PEX14: variants seen among roughly 807,000 people sequenced by gnomAD.
PEX14 encodes peroxisomal membrane protein PEX14.
In PEX14, 15 loss-of-function variants were observed where a neutral mutation model predicts 49.5. The observed-to-expected ratio is 0.30, with a 90% CI of 0.20 to 0.47. The LOEUF (loss-of-function observed/expected upper bound fraction) is 0.47. Among genes scored for constraint, PEX14 ranks in the 20% least tolerant of loss-of-function variants. PEX14 has a pLI of 1.00. For missense variants in PEX14, 398 were observed against 494.8 expected (o/e 0.80, Z 1.86); for synonymous variants, 210 against 212.7 (o/e 0.99, Z 0.11).
chr1:10,506,281 T>C lies in PEX14; in HGVS notation c.84+10960T>C, dbSNP rs899927106. 5.3e-5 allele frequency among the ~76,000 whole-genome samples: 8 copies of C among 152,260 alleles called. No homozygotes were observed. In the South Asian group the frequency reaches 1.7e-3, roughly 32 times the overall value. On this transcript the variant is annotated intron_variant, in intron 2 of 8. Transcript: ENST00000356607. ...CTGCAAATATAATGTGTTCTTTTTT[T>C]GTGTGTTTTTTTGAGATGGAGTTTC...
chr1:10,624,283 G>A (rs564462875), intron 6 of PEX14, 57 bp from the exon 7 acceptor site: 40 of 1,118,688 alleles, frequency 3.6e-5, no homozygotes, highest in African/African-American at 4.6e-5. Context: ...CGGACCGAGC[G>A]AGGGGAACGT....
At chr1:10,532,797 G>A (rs192849548) in intron 2 of PEX14, among the ~76,000 whole-genome samples, 52 of 152,242 alleles carry the variant, frequency 3.4e-4, no homozygotes, top group Non-Finnish European at 5.9e-4. Context: ...CCCCATCATC[G>A]AATCCAACAA....
chr1:10,474,956 G>A lies in PEX14; in HGVS notation c.-11G>A, dbSNP rs762802825. On this transcript the variant is annotated 5_prime_UTR_variant, in exon 1 of 9. Coordinates refer to ENST00000356607, the MANE Select transcript of PEX14 (RefSeq NM_004565.3). ...CGCCCAGCGGCGGTTGATTAGTCAG[G>A]CCTCAGAAAGATGGCGTCCTCGGAG... 6.2e-7 allele frequency: 1 copy of A among 1,606,494 alleles called. No homozygotes were observed. The highest frequency in any genetic ancestry group is 1.3e-5 in the African/African-American group (1 of 75,000).
intron 2 of PEX14, among the ~76,000 whole-genome samples, chr1:10,533,569 C>T (rs1638710385): frequency 6.6e-6 from 1 of 152,106 alleles, no homozygotes; most frequent in South Asian, 2.1e-4. Flanking sequence ...CTATATCCCC[C>T]ACGTTCTTCT....
intron 3 of PEX14, among the ~76,000 whole-genome samples, chr1:10,538,956 C>CT (rs1020323779): frequency 3.3e-5 from 5 of 152,038 alleles, no homozygotes; most frequent in South Asian, 4.1e-4. Flanking sequence ...TCTTGACTTT[C>CT]TTTTTTTTAA....
chr1:10,477,101 C>T (rs923229154), intron 1 of PEX14, among the ~76,000 whole-genome samples: 2 of 150,810 alleles, frequency 1.3e-5, no homozygotes, highest in Non-Finnish European at 2.9e-5. Context: ...GACAGAGTCT[C>T]GCTGTGTCAC....
intron 2 of PEX14, among the ~76,000 whole-genome samples, chr1:10,500,235 T>G (rs1641648129): frequency 6.8e-6 from 1 of 147,676 alleles, no homozygotes; most frequent in African/African-American, 2.6e-5. Context: ...AAACCCCGTC[T>G]CTACTTAAAA....
chr1:10,612,624 T>G (rs1421592281), intron 4 of PEX14, among the ~76,000 whole-genome samples: 1 of 152,230 alleles, frequency 6.6e-6, no homozygotes, highest in Non-Finnish European at 1.5e-5. Flanking sequence ...TTCTGCCCAC[T>G]GCCAGCCATC....
intron 2 of PEX14, among the ~76,000 whole-genome samples, chr1:10,502,813 T>A (rs1641705115): frequency 7.4e-6 from 1 of 135,960 alleles, no homozygotes; most frequent in South Asian, 2.4e-4. Flanking sequence ...TTTTTTTTTT[T>A]AATGACAGAG....
rs1277175579 is a variant in PEX14, at chr1:10,495,697, C to T, written c.84+376C>T. Among the ~76,000 whole-genome samples the T allele has an allele frequency of 6.6e-6, 1 of 152,152 alleles. No individual in the cohort carries two copies. Among genetic ancestry groups the T allele is most frequent in the Non-Finnish European group, 1.5e-5 (1 of 68,026 alleles). ...TCTGCTCTGCCCCTCAGGGTGCGAG[C>T]GCCTCAGTGGTCTTTAAAGAACAGG... On this transcript the variant is annotated intron_variant, in intron 2 of 8. Coordinates refer to ENST00000356607, the MANE Select transcript of PEX14 (RefSeq NM_004565.3). The surrounding 1 kb of genome is among the most constrained non-coding windows in gnomAD (Gnocchi z 4.2).
intron 3 of PEX14, among the ~76,000 whole-genome samples, chr1:10,537,348 C>A (rs1168133850): frequency 2.4e-5 from 2 of 82,666 alleles, no homozygotes; most frequent in African/African-American, 4.2e-5. Flanking sequence ...AGCACCCCCC[C>A]CCCCCGCCAT....
At chr1:10,558,673 A>G (rs1639563081) in intron 3 of PEX14, among the ~76,000 whole-genome samples, 1 of 148,040 alleles carries the variant, frequency 6.8e-6, no homozygotes, top group African/African-American at 2.5e-5. Context: ...GGAGGCAGAG[A>G]TTGTGGTGAG....
intron 3 of PEX14, among the ~76,000 whole-genome samples, chr1:10,562,366 A>G (rs1051376482): frequency 3.3e-5 from 5 of 152,254 alleles, no homozygotes; most frequent in African/African-American, 1.2e-4. Context: ...TAGAAAAAGA[A>G]AAAGATTTTT....
chr1:10,504,249 C>T (rs749477158), intron 2 of PEX14, among the ~76,000 whole-genome samples: 16 of 152,022 alleles, frequency 1.1e-4, no homozygotes, highest in Non-Finnish European at 1.9e-4. Context: ...TAGTTATAAC[C>T]GAGATTTATG....
intron 3 of PEX14, among the ~76,000 whole-genome samples, chr1:10,566,886 G>A (rs995352732): frequency 6.6e-6 from 1 of 151,946 alleles, no homozygotes; most frequent in African/African-American, 2.4e-5. Flanking sequence ...AGTGTATAGA[G>A]TATAAGGATT....
At chr1:10,577,615 A>T (rs1640188342) in intron 3 of PEX14, among the ~76,000 whole-genome samples, 1 of 65,098 alleles carries the variant, frequency 1.5e-5, no homozygotes, top group Non-Finnish European at 2.6e-5. Flanking sequence ...TTTTTTGGAC[A>T]GAGTCTCGCT....
At chr1:10,609,758 G>A (rs567323140) in intron 4 of PEX14, among the ~76,000 whole-genome samples, 24 of 152,218 alleles carry the variant, frequency 1.6e-4, no homozygotes, top group African/African-American at 4.3e-4. Flanking sequence ...GGTGGCGGGC[G>A]CCTGTAATCC....
At chr1:10,546,785 C>T (rs1404112063) in intron 3 of PEX14, among the ~76,000 whole-genome samples, 19 of 145,454 alleles carry the variant, frequency 1.3e-4, no homozygotes, top group Admixed American at 1.2e-3. Flanking sequence ...AGGAGAATGG[C>T]GTGAACCCGG....
intron 3 of PEX14, among the ~76,000 whole-genome samples, chr1:10,573,788 T>C (rs571954656): frequency 1.3e-5 from 2 of 152,226 alleles, no homozygotes; most frequent in African/African-American, 4.8e-5. Context: ...TGTAGAAGAA[T>C]GTATATAACA....
Sources: allele counts gnomAD v4.1 joint callset (sites outside exome capture counted in the v4.1 genomes callset), GRCh38; gene constraint gnomAD v4.1.1; non-coding constraint Gnocchi (gnomAD v3.1); transcripts MANE v1.5; gene names NCBI Gene and HGNC (gene_info 2026-07-23, HGNC 2026-07-21).